EPSTI1: variants seen among roughly 807,000 people sequenced by gnomAD.
The protein encoded by EPSTI1 is epithelial-stromal interaction protein 1.
In EPSTI1, 66 loss-of-function variants were observed where a neutral mutation model predicts 49.9. The observed-to-expected ratio is 1.32, with a 90% confidence interval of 1.08 to 1.62. The LOEUF (loss-of-function observed/expected upper bound fraction) is 1.62, where lower values mean the gene tolerates loss of function less well. EPSTI1 is among the 40% of genes most tolerant of loss of function. The pLI is 0.00. For missense variants in EPSTI1, 394 were observed against 365.5 expected (o/e 1.08, Z -0.64); for synonymous variants, 137 against 130.7 (o/e 1.05, Z -0.33).
At chr13:42,978,369 G>A (rs1357857363) in intron 1 of EPSTI1, among the ~76,000 whole-genome samples, 2 of 152,150 alleles carry the variant, frequency 1.3e-5, no homozygotes, top group South Asian at 2.1e-4. Flanking sequence ...AACGCATAGC[G>A]GGGAGGGGGC....
At position 42,891,908 on chromosome 13, in the gene EPSTI1, T is replaced by C. The variant is rs184924206; in HGVS notation, c.915+3101A>G. On this transcript the variant is annotated intron_variant, in intron 10 of 10. Transcript: ENST00000313624. Reference sequence around the variant, plus strand: ...TTATGTTTTAAAAGTATGTTAGAAGTTGAAGAGTGCTATAGAAAAAGGGAG... The same window carrying C: ...TTATGTTTTAAAAGTATGTTAGAAGCTGAAGAGTGCTATAGAAAAAGGGAG... Among the ~76,000 whole-genome samples the C allele has an allele frequency of 5.4e-3, 817 of 152,244 alleles. 9 individuals are homozygous for C. Among genetic ancestry groups the C allele is most frequent in the Non-Finnish European group, 0.01 (700 of 68,008 alleles).
chr13:42,926,550 C>G (rs950970646), intron 6 of EPSTI1, 121 bp from the exon 7 acceptor site: 4 of 719,602 alleles, frequency 5.6e-6, no homozygotes, highest in Non-Finnish European at 1.0e-5. Flanking sequence ...TTCAGCAGAA[C>G]AGAAAGTTAC....
chr13:42,991,966 T>A lies in EPSTI1; in HGVS notation c.188+12A>T, dbSNP rs2153437905. 6.2e-7 allele frequency: 1 copy of A among 1,612,854 alleles called. No individual in the cohort carries two copies. Among genetic ancestry groups the A allele is most frequent in the African/African-American group, 1.3e-5 (1 of 75,044 alleles). ...GGCTCCCGCCCCGAAGCCAGGTTGTTAAAATACTCACCGCCTCTGGCCCGC... is the reference window on the plus strand; with the variant it reads ...GGCTCCCGCCCCGAAGCCAGGTTGTAAAAATACTCACCGCCTCTGGCCCGC... On this transcript the variant is annotated intron_variant, in intron 1 of 10. Transcript: ENST00000313624.
intron 6 of EPSTI1, among the ~76,000 whole-genome samples, chr13:42,939,364 T>C (rs2038676720): frequency 6.6e-6 from 1 of 152,260 alleles, no homozygotes; most frequent in Non-Finnish European, 1.5e-5. Context: ...GCTTTTGTCC[T>C]ATCTTGGTTT....
At chr13:42,976,873 C>A (rs1343653780) in intron 1 of EPSTI1, among the ~76,000 whole-genome samples, 1 of 152,242 alleles carries the variant, frequency 6.6e-6, no homozygotes, top group African/African-American at 2.4e-5. Context: ...ATGCTCTATA[C>A]ATATTATTAC....
intron 6 of EPSTI1, among the ~76,000 whole-genome samples, chr13:42,927,832 T>C (rs1225439755): frequency 6.6e-6 from 1 of 152,264 alleles, no homozygotes; most frequent in Non-Finnish European, 1.5e-5. Context: ...GCTGCCCCAT[T>C]GTCTGGGGCT....
At chr13:42,929,523 T>A (rs1250566033) in intron 6 of EPSTI1, among the ~76,000 whole-genome samples, 1 of 152,184 alleles carries the variant, frequency 6.6e-6, no homozygotes, top group East Asian at 1.9e-4. Flanking sequence ...TAACTCACCA[T>A]TCCCTATGGT....
chr13:42,944,163 T>C (rs1422045306), intron 6 of EPSTI1, among the ~76,000 whole-genome samples: 1 of 152,150 alleles, frequency 6.6e-6, no homozygotes, highest in Non-Finnish European at 1.5e-5. Flanking sequence ...GCAGTCCCAT[T>C]ATCGGGTATA....
intron 3 of EPSTI1, among the ~76,000 whole-genome samples, chr13:42,965,009 G>C (rs2039564677): frequency 6.6e-6 from 1 of 152,204 alleles, no homozygotes; most frequent in Non-Finnish European, 1.5e-5. Flanking sequence ...ATTGAACTGA[G>C]AAAGATACCA....
At chr13:42,989,199 G>C (rs1222089819) in intron 1 of EPSTI1, among the ~76,000 whole-genome samples, 2 of 151,752 alleles carry the variant, frequency 1.3e-5, no homozygotes, top group Non-Finnish European at 2.9e-5. Flanking sequence ...TTTTTAACAA[G>C]GCACAAACAT....
intron 6 of EPSTI1, among the ~76,000 whole-genome samples, chr13:42,929,748 T>C (rs1027194735): frequency 6.6e-6 from 1 of 152,206 alleles, no homozygotes; most frequent in African/African-American, 2.4e-5. Context: ...ATAAGTAATA[T>C]CTTAACAATA....
intron 1 of EPSTI1, among the ~76,000 whole-genome samples, chr13:42,978,133 A>G (rs2039916289): frequency 6.6e-6 from 1 of 151,934 alleles, no homozygotes; most frequent in Admixed American, 6.5e-5. Context: ...AGCCTGGGCC[A>G]CAGAGCGAGA....
At chr13:42,938,928 A>AAAAAAAAAAAAAAAAAAAAAAC (rs2038658569) in intron 6 of EPSTI1, among the ~76,000 whole-genome samples, 1 of 150,726 alleles carries the variant, frequency 6.6e-6, no homozygotes, top group Non-Finnish European at 1.5e-5. Flanking sequence ...AAAAAAAAAA[A>AAAAAAAAAAAAAAAAAAAAAAC]AAAATCTGTT....
chr13:42,956,908 T>A (rs1372678329), intron 5 of EPSTI1, among the ~76,000 whole-genome samples: 6 of 152,284 alleles, frequency 3.9e-5, no homozygotes, highest in African/African-American at 1.4e-4. Context: ...TAAAGGAGTT[T>A]GGACTTTATG....
chr13:42,905,177 G>A (rs572555655), intron 8 of EPSTI1, among the ~76,000 whole-genome samples: 23 of 152,168 alleles, frequency 1.5e-4, no homozygotes, highest in African/African-American at 5.1e-4. Flanking sequence ...AAGAAAAGAC[G>A]GGAAGAGAGC....
At chr13:42,910,892 A>C in intron 8 of EPSTI1, among the ~76,000 whole-genome samples, 1 of 152,214 alleles carries the variant, frequency 6.6e-6, no homozygotes. Flanking sequence ...TCACCACTGA[A>C]TATAATGTTG....
At position 42,922,924 on chromosome 13, in the gene EPSTI1, C is replaced by G. The variant is rs1474044469; in HGVS notation, c.657+3412G>C. Among the ~76,000 whole-genome samples the G allele has an allele frequency of 6.6e-6, 1 of 152,180 alleles. No individual in the cohort carries two copies. Among genetic ancestry groups the G allele is most frequent in the Non-Finnish European group, 1.5e-5 (1 of 68,038 alleles). ...TGATTCAGGAGGTCTGCAGTGGGGC[C>G]TGAGATTGATCTGCATCTAAATCTT... On this transcript the variant is annotated intron_variant, in intron 7 of 10. Coordinates refer to ENST00000313624, the MANE Select transcript of EPSTI1 (RefSeq NM_033255.5). This position sits in a 1 kb window ranked among gnomAD's most constrained non-coding sequence, Gnocchi z 4.8.
chr13:42,954,376 A>G (rs2039196233), intron 5 of EPSTI1, among the ~76,000 whole-genome samples: 1 of 152,252 alleles, frequency 6.6e-6, no homozygotes. Flanking sequence ...AGTATGTTAA[A>G]TTAAAATTAT....
chr13:42,939,609 T>C (rs561060420), intron 6 of EPSTI1, among the ~76,000 whole-genome samples: 9 of 152,284 alleles, frequency 5.9e-5, no homozygotes, highest in African/African-American at 2.2e-4. Flanking sequence ...TTGATTAAAT[T>C]CACTGTCATT....
Sources: gnomAD v4.1 joint callset for allele counts (sites outside exome capture counted in the v4.1 genomes callset) on GRCh38, gnomAD v4.1.1 for gene constraint, Gnocchi (gnomAD v3.1) non-coding constraint, MANE v1.5 for transcripts, NCBI Gene and HGNC (gene_info 2026-07-23, HGNC 2026-07-21) for gene names.